IQUB: variants seen among roughly 807,000 people sequenced by gnomAD.
IQUB encodes IQ motif and ubiquitin-like domain-containing protein.
IQUB carries 86 observed loss-of-function variants against 86.4 expected under a neutral mutation model. That is an observed-to-expected ratio of 1.00 (90% confidence interval 0.84 to 1.19). IQUB has a LOEUF of 1.19. Among genes scored for constraint, IQUB ranks in the 50% most tolerant of loss-of-function variants. The pLI, the probability that IQUB is intolerant of heterozygous loss-of-function variation, is 0.00. For missense variants in IQUB, 946 were observed against 916.9 expected, an observed-to-expected ratio of 1.03 and a Z score of -0.41; for synonymous variants, 289 against 304.5, an observed-to-expected ratio of 0.95 and a Z score of 0.53.
intron 1 of IQUB, among the ~76,000 whole-genome samples, chr7:123,522,860 C>G: frequency 8.1e-6 from 1 of 122,782 alleles, no homozygotes; most frequent in East Asian, 3.0e-4. Flanking sequence ...CCCCTCCCCC[C>G]ACCCCACAAC....
intron 1 of IQUB, among the ~76,000 whole-genome samples, chr7:123,533,530 ATC>A (rs1797637882): frequency 6.6e-6 from 1 of 152,210 alleles, no homozygotes; most frequent in Admixed American, 6.5e-5. Flanking sequence ...ACATTTATCA[ATC>A]TTTTTGCTTA....
At chr7:123,525,571 G>A (rs957291847) in intron 1 of IQUB, among the ~76,000 whole-genome samples, 26 of 151,980 alleles carry the variant, frequency 1.7e-4, no homozygotes, top group East Asian at 1.2e-3. Flanking sequence ...TTTTTATTGC[G>A]TCTATTTGAT....
intron 12 of IQUB, among the ~76,000 whole-genome samples, chr7:123,453,609 G>T (rs1335399419): frequency 2.6e-5 from 4 of 151,886 alleles, no homozygotes; most frequent in African/African-American, 9.7e-5. Flanking sequence ...GAGAGAGAAA[G>T]CTGAAGATTA....
Position 123,484,734 on chromosome 7 carries a change from T to C in IQUB, c.1235-4764A>G, listed in dbSNP as rs182028651. Among the ~76,000 whole-genome samples the C allele has an allele frequency of 2.0e-5, 3 of 152,166 alleles. No individual in the cohort carries two copies. The East Asian group carries it at 5.8e-4, about 29-fold the overall frequency. ...ATTCAAGTACACATACTCATATCCA[T>C]TCAGATTCTCCATTTTCGTTAGATT... On this transcript the variant is annotated intron_variant, in intron 7 of 12. Transcript: ENST00000324698.
At chr7:123,457,680 T>TTAAA in intron 11 of IQUB, 114 bp from the exon 12 acceptor site, 3 of 793,468 alleles carry the variant, frequency 3.8e-6, no homozygotes, top group Middle Eastern at 3.5e-4. Flanking sequence ...TATTATTCAC[T>TTAAA]AGGTTTCAAT....
chr7:123,514,434 A>G (rs1796556297), intron 1 of IQUB, among the ~76,000 whole-genome samples: 1 of 152,208 alleles, frequency 6.6e-6, no homozygotes, highest in Non-Finnish European at 1.5e-5. Flanking sequence ...CTGAAGTGCA[A>G]CTTGGAAAGG....
chr7:123,467,819 G>C (rs1406112860), intron 9 of IQUB, among the ~76,000 whole-genome samples: 1 of 152,170 alleles, frequency 6.6e-6, no homozygotes, highest in Non-Finnish European at 1.5e-5. Flanking sequence ...GGAAATGTTT[G>C]CTTCCTGCCC....
At chr7:123,459,099 A>ACACT (rs1052025877) in intron 11 of IQUB, among the ~76,000 whole-genome samples, 1 of 151,964 alleles carries the variant, frequency 6.6e-6, no homozygotes, top group Non-Finnish European at 1.5e-5. Flanking sequence ...AAGCTACTGG[A>ACACT]CACTCATATT....
intron 8 of IQUB, among the ~76,000 whole-genome samples, chr7:123,473,805 T>C (rs1324003456): frequency 4.6e-5 from 7 of 151,824 alleles, no homozygotes. Flanking sequence ...CAGGCTGGTC[T>C]CAAACTCCTG....
chr7:123,469,216 T>C lies in IQUB; in HGVS notation c.1579A>G (p.Lys527Glu). The C allele has an allele frequency of 6.4e-7, 1 of 1,560,384 alleles. No homozygotes were observed. The highest frequency in any genetic ancestry group is 8.7e-7 in the Non-Finnish European group (1 of 1,156,064). ...AAACTAAGAGAAAGTTAACATACCTTTACAGTGTGTTTAAGAGTTAACAGC... is the reference window on the plus strand; with the variant it reads ...AAACTAAGAGAAAGTTAACATACCTCTACAGTGTGTTTAAGAGTTAACAGC... ...DVLLTLKHTV[K>E]EHECKLTQEI... Residue 527 changes from lysine to glutamate, a missense_variant and splice_region_variant, in exon 9 of 13, where the codon AAG becomes GAG. Physicochemically the swap from Lys to Glu is moderately conservative, Grantham distance 56. Transcript: ENST00000324698.
chr7:123,454,780 G>A (rs1403680768), intron 12 of IQUB, among the ~76,000 whole-genome samples: 1 of 152,074 alleles, frequency 6.6e-6, no homozygotes, highest in Non-Finnish European at 1.5e-5. Context: ...CTGAAGGGAT[G>A]GGTTTTGGGG....
At chr7:123,471,894 T>A (rs529783204) in intron 8 of IQUB, among the ~76,000 whole-genome samples, 30 of 152,280 alleles carry the variant, frequency 2.0e-4, no homozygotes, top group African/African-American at 7.0e-4. Flanking sequence ...CAAATTACTT[T>A]ATAATTGTTT....
intron 1 of IQUB, among the ~76,000 whole-genome samples, chr7:123,522,698 GA>G (rs1044736877): frequency 1.8e-4 from 27 of 152,004 alleles, no homozygotes; most frequent in African/African-American, 2.4e-4. Flanking sequence ...TAAAGTAGGA[GA>G]AAAAAATACT....
At chr7:123,479,666 A>G in intron 8 of IQUB, 129 bp downstream of exon 8, 1 of 685,034 alleles carries the variant, frequency 1.5e-6, no homozygotes, top group South Asian at 2.0e-5. Flanking sequence ...AAATTTTAAG[A>G]AATATGTCAT....
chr7:123,527,361 A>G (rs760309756), intron 1 of IQUB, among the ~76,000 whole-genome samples: 2 of 152,188 alleles, frequency 1.3e-5, no homozygotes, highest in African/African-American at 2.4e-5. Flanking sequence ...CTGGTGAGGA[A>G]CTGCGTTCCT....
rs1230727736 is a variant in IQUB at position 123,496,310 on chromosome 7, AATCAGACAGG to A, written c.1234+376_1234+385del. On this transcript the variant is annotated intron_variant, in intron 7 of 12. Transcript: ENST00000324698. ...GCCAAGCCCCTTCTCTAAAGAGCAA[AATCAGACAGG>A]ATGCTGGATTGAGGGATTAAAGAAC... Among the ~76,000 whole-genome samples, 4 of 152,128 alleles carry A rather than the reference AATCAGACAGG, an allele frequency of 2.6e-5. No individual in the cohort carries two copies. The East Asian group carries it at 7.7e-4, about 29-fold the overall frequency.
chr7:123,497,517 A>C (rs1300122117), intron 6 of IQUB, among the ~76,000 whole-genome samples: 1 of 152,084 alleles, frequency 6.6e-6, no homozygotes, highest in Non-Finnish European at 1.5e-5. Flanking sequence ...ATGAAACATG[A>C]ATATGTTTGA....
intron 8 of IQUB, among the ~76,000 whole-genome samples, chr7:123,474,759 A>G (rs953749184): frequency 6.6e-6 from 1 of 152,188 alleles, no homozygotes; most frequent in Non-Finnish European, 1.5e-5. Context: ...CTGTCCTAAT[A>G]CAAGTCTTTA....
intron 8 of IQUB, among the ~76,000 whole-genome samples, chr7:123,477,389 G>C (rs1260911476): frequency 2.6e-5 from 4 of 152,002 alleles, no homozygotes; most frequent in Admixed American, 6.6e-5. Flanking sequence ...TAGCCATATG[G>C]AGAAAGCTGA....
Sources: gnomAD v4.1 joint callset for allele counts (sites outside exome capture counted in the v4.1 genomes callset) on GRCh38, gnomAD v4.1.1 for gene constraint, MANE v1.5 for transcripts, NCBI Gene and HGNC (gene_info 2026-07-23, HGNC 2026-07-21) for gene names.